SLC26A5: variants seen among roughly 807,000 people sequenced by gnomAD.
The protein encoded by SLC26A5 is solute carrier family 26 member 5, also known as prestin.
A neutral mutation model predicts 81.0 loss-of-function variants in SLC26A5; 51 were observed. The observed-to-expected ratio is 0.63, with a 90% confidence interval of 0.50 to 0.80. The LOEUF is 0.80. SLC26A5 is among the 30% of genes least tolerant of loss of function. SLC26A5 has a pLI of 0.00. For synonymous variants in SLC26A5, 325 were observed against 332.8 expected (o/e 0.98, Z 0.25); for missense variants, 771 against 905.8 (o/e 0.85, Z 1.91).
intron 19 of SLC26A5, chr7:103,368,120 C>T: frequency 7.3e-7 from 1 of 1,377,526 alleles, no homozygotes; most frequent in Non-Finnish European, 9.8e-7. Context: ...TTGTTAATAA[C>T]CAATTCATAA....
chr7:103,400,585 G>T (rs1286352197), intron 8 of SLC26A5, among the ~76,000 whole-genome samples: 1 of 152,138 alleles, frequency 6.6e-6, no homozygotes, highest in Non-Finnish European at 1.5e-5. Context: ...GATCCCATTT[G>T]TCAATTTGGC....
At chr7:103,374,738 C>A in intron 19 of SLC26A5, 146 bp from the exon 20 acceptor site, 1 of 768,780 alleles carries the variant, frequency 1.3e-6, no homozygotes, top group Non-Finnish European at 2.0e-6. Context: ...CTCACTCTGT[C>A]ACCCAGGCTG....
At chr7:103,382,344 TC>T (rs1821864911) in intron 14 of SLC26A5, among the ~76,000 whole-genome samples, 2 of 145,980 alleles carry the variant, frequency 1.4e-5, no homozygotes, top group African/African-American at 2.6e-5. Flanking sequence ...GAGCCCTATT[TC>T]CTTTTTTTTT....
intron 17 of SLC26A5, 28 bp downstream of exon 17, chr7:103,378,418 G>A (rs1382592332): frequency 5.0e-6 from 8 of 1,591,442 alleles, no homozygotes; most frequent in African/African-American, 4.0e-5. Context: ...AAGACAGAAC[G>A]GATTATTTCA....
intron 19 of SLC26A5, among the ~76,000 whole-genome samples, chr7:103,360,031 A>G (rs371256162): frequency 1.3e-5 from 2 of 151,986 alleles, no homozygotes; most frequent in Admixed American, 6.6e-5. Flanking sequence ...CAGTGAGTCA[A>G]GATCGCGCCA....
Position 103,391,652 on chromosome 7 carries a change from A to C in SLC26A5, c.1203T>G (p.Leu401=). 6.2e-7 allele frequency: 1 copy of C among 1,614,230 alleles called. No individual in the cohort carries two copies. Among genetic ancestry groups the C allele is most frequent in the Non-Finnish European group, 8.5e-7 (1 of 1,180,032 alleles). Residue 401 remains leucine, a synonymous_variant, in exon 11 of 20, where the codon CTT becomes CTG. Transcript: ENST00000306312. ...TCTTCCCACCGGTTCCCTCCTGAAC[A>C]AGGCTTCGAGACAAGGAGCATGAAA... ...FSISCSLSRS[L]VQEGTGGKTQ...
At chr7:103,418,579 T>C (rs1348822085) in intron 4 of SLC26A5, among the ~76,000 whole-genome samples, 1 of 152,204 alleles carries the variant, frequency 6.6e-6, no homozygotes, top group Non-Finnish European at 1.5e-5. Context: ...TGGGAATCTG[T>C]CCCAAATCTG....
At chr7:103,356,467 G>A (rs1366871724) in intron 19 of SLC26A5, among the ~76,000 whole-genome samples, 2 of 152,128 alleles carry the variant, frequency 1.3e-5, no homozygotes, top group African/African-American at 2.4e-5. Flanking sequence ...GAGGCTTTGA[G>A]GCAAATGTCC....
At position 103,407,883 on chromosome 7, in the gene SLC26A5, AT is replaced by A. The variant is rs1824180998; in HGVS notation, c.855del (p.Lys285AsnfsTer8). On this transcript the variant is annotated frameshift_variant, in exon 8 of 20. Coordinates refer to ENST00000306312, the MANE Select transcript of SLC26A5 (RefSeq NM_198999.3). LOFTEE classifies it high-confidence loss of function. ...GKEFNERFKE[K>X]LPAPIPLEFF... is the part of the protein sequence containing the mutation. Reference sequence around the variant, plus strand: ...AACTCTAAAGGAATAGGCGCCGGCAATTTCTCTTTAAATCTCTCATTAAACT... The same window carrying A: ...AACTCTAAAGGAATAGGCGCCGGCAATTCTCTTTAAATCTCTCATTAAACT... 5.0e-6 allele frequency: 8 copies of A among 1,614,020 alleles called. No individual in the cohort carries two copies. The highest frequency in any genetic ancestry group is 6.8e-6 in the Non-Finnish European group (8 of 1,180,026).
At chr7:103,418,393 C>T (rs1195964724) in intron 4 of SLC26A5, among the ~76,000 whole-genome samples, 3 of 152,256 alleles carry the variant, frequency 2.0e-5, no homozygotes, top group Non-Finnish European at 4.4e-5. Context: ...TGTGAGCTTG[C>T]GTGGTTGTCA....
At position 103,411,541 on chromosome 7, in the gene SLC26A5, C is replaced by T. The variant is rs1018340849; in HGVS notation, c.449G>A (p.Arg150Gln). The T allele has an allele frequency of 6.2e-6, 10 of 1,614,012 alleles. No individual in the cohort carries two copies. The highest frequency in any genetic ancestry group is 2.2e-5 in the South Asian group (2 of 91,076). Residue 150 changes from arginine (R) to glutamine (Q), a missense_variant, in exon 6 of 20, where the codon CGA becomes CAA. Transcript: ENST00000306312. Reference protein sequence around the residue: ...ISLMIGGVAVRLVPDDIVIPG... With the variant: ...ISLMIGGVAVQLVPDDIVIPG... ...AATGACTATATCATCTGGTACTAAT[C>T]GAACAGCTACACCACCAATCATCAG...
At chr7:103,378,391 G>A in intron 17 of SLC26A5, 55 bp downstream of exon 17, 9 of 1,514,904 alleles carry the variant, frequency 5.9e-6, no homozygotes, top group Non-Finnish European at 8.3e-6. Context: ...GAGTAAAGAT[G>A]GAGGGCATTG....
chr7:103,373,742 CGGTTATAA>C (rs1563505982), downstream of SLC26A5, among the ~76,000 whole-genome samples: 1 of 151,994 alleles, frequency 6.6e-6, no homozygotes, highest in Non-Finnish European at 1.5e-5. Context: ...AAAGAAAAAT[CGGTTATAA>C]AACACTATAG....
In SLC26A5 at chr7:103,367,963, C is replaced by T; in HGVS notation, c.2041+8845G>A. On this transcript the variant is annotated intron_variant, in intron 19 of 19. Transcript: ENST00000339444. The surrounding 1 kb of genome is among the most constrained non-coding windows in gnomAD (Gnocchi z 6.1). ...GCCATCAGAGCACGGCGAAAAATTG[C>T]TACCGAGAAGGATTTCTTGGAAGCT... The T allele has an allele frequency of 6.2e-7, 1 of 1,614,088 alleles. No homozygotes were observed. Among genetic ancestry groups the T allele is most frequent in the Non-Finnish European group, 8.5e-7 (1 of 1,180,020 alleles).
intron 16 of SLC26A5, among the ~76,000 whole-genome samples, chr7:103,378,757 C>A (rs1412124888): frequency 6.6e-6 from 1 of 152,152 alleles, no homozygotes; most frequent in Non-Finnish European, 1.5e-5. Context: ...TTATTCAAGA[C>A]AACCAGAAGC....
At chr7:103,358,227 C>T (rs1165308272) in intron 19 of SLC26A5, among the ~76,000 whole-genome samples, 3 of 152,128 alleles carry the variant, frequency 2.0e-5, no homozygotes, top group African/African-American at 7.2e-5. Context: ...CCATTCTGAT[C>T]CTCAGTCCTG....
intron 3 of SLC26A5, 65 bp from the exon 4 acceptor site, chr7:103,420,942 CA>C (rs1825297647): frequency 1.3e-6 from 2 of 1,526,876 alleles, no homozygotes; most frequent in Non-Finnish European, 1.8e-6. Flanking sequence ...GAATTCAAAC[CA>C]AAGCATTTTC....
chr7:103,370,437 C>A (rs1268077892), downstream of SLC26A5, among the ~76,000 whole-genome samples: 2 of 149,696 alleles, frequency 1.3e-5, no homozygotes, highest in African/African-American at 4.9e-5. Flanking sequence ...AGGACAGATT[C>A]ACTAGGTTTG....
chr7:103,413,188 CTTTA>C, intron 4 of SLC26A5, 76 bp from the exon 5 acceptor site: 1 of 1,006,932 alleles, frequency 9.9e-7, no homozygotes, highest in Non-Finnish European at 1.5e-6. Context: ...TCTCTTGGTT[CTTTA>C]TTTCTGATGA....
Sources: allele counts gnomAD v4.1 joint callset (sites outside exome capture counted in the v4.1 genomes callset), GRCh38; gene constraint gnomAD v4.1.1; non-coding constraint Gnocchi (gnomAD v3.1); transcripts MANE v1.5; gene names NCBI Gene and HGNC (gene_info 2026-07-23, HGNC 2026-07-21).